Variants in SUGP1 observed in about 807,000 individuals in gnomAD.
SUGP1 encodes the protein SURP and G-patch domain containing 1, also known as SURP and G-patch domain-containing protein 1.
Under a neutral mutation model 76.5 loss-of-function variants are expected in SUGP1, and 34 were observed. The observed-to-expected ratio is 0.44, with a 90% confidence interval of 0.34 to 0.59. SUGP1 has a LOEUF of 0.59. Ranked by LOEUF, SUGP1 falls within the 20% of genes least tolerant of loss-of-function variation. SUGP1 has a pLI of 0.01. For synonymous variants in SUGP1, 326 were observed against 326.2 expected (o/e 1.00, Z 0.01); for missense variants, 752 against 851.7 (o/e 0.88, Z 1.46).
In SUGP1 at chr19:19,305,859, C is replaced by T. The variant is rs771544715; in HGVS notation, c.528G>A (p.Leu176=). The T allele has an allele frequency of 1.4e-5, 23 of 1,605,328 alleles. No homozygotes were observed. Among genetic ancestry groups the T allele is most frequent in the Non-Finnish European group, 1.9e-5 (22 of 1,174,290 alleles). ...EDEEEDYEQW[L]EIKVSPPEGA... ...GCTCCCACAACTTACCTTTGATCTC[C>T]AGCCACTGCTCATAGTCCTCCTCCT... Residue 176 remains leucine, a synonymous_variant, in exon 4 of 14, where the codon CTG becomes CTA. Transcript: ENST00000247001.
intron 3 of SUGP1, 124 bp from the exon 4 acceptor site, chr19:19,306,200 C>G: frequency 1.1e-6 from 1 of 872,220 alleles, no homozygotes; most frequent in Non-Finnish European, 1.7e-6. Context: ...CTCAGGGGCT[C>G]AGAGGAGGCC....
At chr19:19,307,553 C>T (rs2061326015) in intron 3 of SUGP1, among the ~76,000 whole-genome samples, 1 of 152,104 alleles carries the variant, frequency 6.6e-6, no homozygotes, top group South Asian at 2.1e-4. Context: ...CTACGGCACA[C>T]ACTGCTTGAC....
At chr19:19,308,549 G>T (rs144708026) in intron 3 of SUGP1, among the ~76,000 whole-genome samples, 2 of 152,324 alleles carry the variant, frequency 1.3e-5, no homozygotes, top group Non-Finnish European at 2.9e-5. Context: ...GGTGGTCATT[G>T]TTGGGTGCCC....
chr19:19,306,579 A>C (rs989883457), intron 3 of SUGP1, among the ~76,000 whole-genome samples: 1 of 152,260 alleles, frequency 6.6e-6, no homozygotes, highest in Non-Finnish European at 1.5e-5. Flanking sequence ...TTCCCTGGGA[A>C]ACCTGACAGA....
At chr19:19,301,906 A>C (rs2061274964) in intron 7 of SUGP1, 1 of 241,150 alleles carries the variant, frequency 4.1e-6, no homozygotes, top group African/African-American at 2.2e-5. Context: ...ACACAACATA[A>C]ACTGAACAGT....
intron 4 of SUGP1, 134 bp from the exon 5 acceptor site, chr19:19,303,981 C>T (rs372905534): frequency 6.8e-5 from 108 of 1,595,246 alleles, no homozygotes; most frequent in Admixed American, 5.0e-5. Context: ...TCGGGCGTCC[C>T]GAGTCCAGGC....
chr19:19,304,243 T>C (rs1405245515), intron 4 of SUGP1, among the ~76,000 whole-genome samples: 2 of 152,202 alleles, frequency 1.3e-5, no homozygotes, highest in African/African-American at 2.4e-5. Context: ...TTATGAGCTC[T>C]GATTTAAACA....
intron 8 of SUGP1, chr19:19,280,533 T>C (rs970417371): frequency 3.7e-5 from 18 of 491,928 alleles, no homozygotes; most frequent in African/African-American, 3.3e-4. Flanking sequence ...CACCACCACA[T>C]TGCAGATGTG....
At chr19:19,289,367 C>T (rs540613300) in intron 8 of SUGP1, among the ~76,000 whole-genome samples, 1 of 151,014 alleles carries the variant, frequency 6.6e-6, no homozygotes, top group African/African-American at 2.4e-5. Flanking sequence ...TTTGGGAGGC[C>T]GAGGCGGGGA....
At chr19:19,304,293 T>C (rs961861331) in intron 4 of SUGP1, among the ~76,000 whole-genome samples, 3 of 152,172 alleles carry the variant, frequency 2.0e-5, no homozygotes, top group East Asian at 1.9e-4. Context: ...AGTGTCATCA[T>C]AGAAGCTCTG....
At chr19:19,302,002 C>T in intron 7 of SUGP1, 1 of 499,442 alleles carries the variant, frequency 2.0e-6, no homozygotes, top group South Asian at 3.0e-5. Flanking sequence ...GTGCTAGAGA[C>T]TTTCTCCATG....
At chr19:19,309,985 T>C (rs1255890463) in intron 3 of SUGP1, 112 bp downstream of exon 3, 2 of 721,770 alleles carry the variant, frequency 2.8e-6, no homozygotes, top group Non-Finnish European at 2.5e-6. Context: ...GAGGGCGATC[T>C]ATGATTACCG....
At chr19:19,281,746 T>TAGCTG (rs964958389) in intron 8 of SUGP1, among the ~76,000 whole-genome samples, 38 of 152,316 alleles carry the variant, frequency 2.5e-4, no homozygotes, top group African/African-American at 8.9e-4. Flanking sequence ...GCAGGCTGCA[T>TAGCTG]AGCTGCATAG....
In SUGP1 at chr19:19,302,934, T is replaced by TC. The variant is rs1326779825; in HGVS notation, c.763+413dup. 2.0e-5 allele frequency among the ~76,000 whole-genome samples: 3 copies of TC among 152,160 alleles called. No homozygotes were observed. The East Asian group carries it at 5.8e-4, about 29-fold the overall frequency. On this transcript the variant is annotated intron_variant, in intron 6 of 13. Transcript: ENST00000247001. ...GAATTGCACCAGCTGACAGTGTCTG[T>TC]CCCCCAGGCCCTCGGCCCTACACTA...
chr19:19,280,401 G>A (rs1397098184), intron 8 of SUGP1, 110 bp from the exon 9 acceptor site: 9 of 955,074 alleles, frequency 9.4e-6, no homozygotes, highest in South Asian at 2.8e-5. Context: ...CCAGGCACAC[G>A]GGGACCTCAT....
chr19:19,302,212 C>A, intron 7 of SUGP1, 53 bp downstream of exon 7: 1 of 1,607,434 alleles, frequency 6.2e-7, no homozygotes, highest in Non-Finnish European at 8.5e-7. Context: ...TCCTCCCCTG[C>A]AGGGGGACTG....
chr19:19,303,388 T>C lies in SUGP1; in HGVS notation c.723A>G (p.Ile241Met), dbSNP rs755593835. 6.2e-6 allele frequency: 10 copies of C among 1,614,160 alleles called. No homozygotes were observed. Among genetic ancestry groups the C allele is most frequent in the Middle Eastern group, 3.3e-4 (2 of 6,062 alleles). ...CCTGCGACTTCTGTGCTTCCTTTCT[T>C]ATCTCAGCCACCTTCTTCCTGTAGT... The part of the protein sequence containing the change: ...FLYYRKKVAE[I>M]RKEAQKSQAA... Residue 241 changes from isoleucine (I) to methionine (M), a missense_variant, in exon 6 of 14, where the codon ATA (isoleucine) becomes ATG (methionine). Around this residue, in one of 2 missense-constraint regions of SUGP1, gnomAD observed 620 missense variants for 617.3 expected, o/e 1.00. Coordinates refer to ENST00000247001, the MANE Select transcript of SUGP1 (RefSeq NM_172231.4).
At chr19:19,294,182 G>A (rs2061207038) in intron 8 of SUGP1, among the ~76,000 whole-genome samples, 2 of 142,528 alleles carry the variant, frequency 1.4e-5, no homozygotes, top group South Asian at 4.5e-4. Context: ...GTGAGACCCT[G>A]TCTCAAAAGA....
At chr19:19,313,820 T>C (rs921382987) in intron 2 of SUGP1, among the ~76,000 whole-genome samples, 5 of 151,918 alleles carry the variant, frequency 3.3e-5, no homozygotes, top group African/African-American at 7.3e-5. Flanking sequence ...CTGGTCAACA[T>C]AGTGAAACCC....
Sources: allele counts gnomAD v4.1 joint callset (sites outside exome capture counted in the v4.1 genomes callset), GRCh38; gene constraint gnomAD v4.1.1; regional missense constraint gnomAD v4.1.1; transcripts MANE v1.5; gene names NCBI Gene and HGNC (gene_info 2026-07-23, HGNC 2026-07-21).